BCKDHB: variants seen among roughly 807,000 people sequenced by gnomAD.
BCKDHB encodes 2-oxoisovalerate dehydrogenase subunit beta, mitochondrial.
Under a neutral mutation model 48.5 loss-of-function variants are expected in BCKDHB, and 41 were observed. The observed-to-expected ratio is 0.85, with a 90% CI of 0.66 to 1.10. The LOEUF is 1.10. BCKDHB is among the 50% of genes least tolerant of loss of function. The pLI is 0.00. For synonymous variants in BCKDHB, 201 were observed against 174.8 expected (o/e 1.15, Z -1.18); for missense variants, 496 against 494.2 (o/e 1.00, Z -0.03).
At chr6:80,372,011 T>C in the BCKDHB span, among the ~76,000 whole-genome samples, 2 of 152,146 alleles carry the variant, frequency 1.3e-5, no homozygotes, top group African/African-American at 2.4e-5. Flanking sequence ...TTCCTAGATG[T>C]GTGAAGACTG....
chr6:80,395,725 G>A, the BCKDHB span, among the ~76,000 whole-genome samples: 1 of 152,184 alleles, frequency 6.6e-6, no homozygotes. Context: ...TATCTCCTGG[G>A]CATATCAGAG....
chr6:80,447,244 T>G, the BCKDHB span, among the ~76,000 whole-genome samples: 1 of 152,144 alleles, frequency 6.6e-6, no homozygotes, highest in African/African-American at 2.4e-5. Context: ...TGCCTTATTA[T>G]ATACTGTTAC....
the BCKDHB span, among the ~76,000 whole-genome samples, chr6:80,353,395 T>A: frequency 6.6e-6 from 1 of 152,242 alleles, no homozygotes; most frequent in African/African-American, 2.4e-5. Flanking sequence ...TGCATAGATA[T>A]CCAGTAGTGT....
the BCKDHB span, among the ~76,000 whole-genome samples, chr6:80,370,429 G>A: frequency 6.6e-6 from 1 of 152,022 alleles, no homozygotes; most frequent in Admixed American, 6.6e-5. Context: ...AGGGTTTTGG[G>A]GAACAGGTGG....
In BCKDHB at chr6:80,344,070, A is replaced by G; in HGVS notation, c.*266A>G. On this transcript the variant is annotated 3_prime_UTR_variant, in exon 10 of 10. Transcript: ENST00000320393. ...GGCTAGACTGCAGTGGTGCAATCTC[A>G]GCTCACTGCAACCTCCCCCCTACCC... The G allele has an allele frequency of 8.9e-5, 40 of 450,764 alleles. No individual in the cohort carries two copies. The highest frequency in any genetic ancestry group is 1.3e-4 in the Non-Finnish European group (33 of 245,170). The allele number at this position is 450,764 out of a possible 1,614,324, so 27.9% of individuals were successfully genotyped here.
In BCKDHB at chr6:80,152,068, T is replaced by A. The variant is rs146313275; in HGVS notation, c.344-15610T>A. On this transcript the variant is annotated intron_variant, in intron 3 of 9. Transcript: ENST00000320393. Reference sequence around the variant, plus strand: ...GAAGCTGGTATCACAAGGATGATGATAATACTTCTTTTGATTTTCTGGAAA... The same window carrying A: ...GAAGCTGGTATCACAAGGATGATGAAAATACTTCTTTTGATTTTCTGGAAA... Among the ~76,000 whole-genome samples the A allele has an allele frequency of 1.7e-3, 264 of 152,314 alleles. 1 individual carries two copies. The highest frequency in any genetic ancestry group is 6.0e-3 in the African/African-American group (250 of 41,580).
intron 9 of BCKDHB, among the ~76,000 whole-genome samples, chr6:80,321,824 A>G (rs79799180): frequency 0.02 from 3,013 of 152,296 alleles, 90 homozygotes; most frequent in African/African-American, 0.069. Context: ...TCTACTTCCA[A>G]TTACATTTTG....
At chr6:80,357,188 G>A in the BCKDHB span, among the ~76,000 whole-genome samples, 1 of 152,114 alleles carries the variant, frequency 6.6e-6, no homozygotes, top group Non-Finnish European at 1.5e-5. Context: ...TGGGAAGGAA[G>A]GGTGAGGCAC....
chr6:80,415,967 C>A, the BCKDHB span, among the ~76,000 whole-genome samples: 2 of 151,856 alleles, frequency 1.3e-5, no homozygotes, highest in Non-Finnish European at 1.5e-5. Flanking sequence ...TTGATCTGTT[C>A]AGAAATTCAA....
chr6:80,352,796 T>A, the BCKDHB span, among the ~76,000 whole-genome samples: 1 of 152,220 alleles, frequency 6.6e-6, no homozygotes, highest in African/African-American at 2.4e-5. Context: ...AATAAGTGAA[T>A]GCAGACTCTC....
At chr6:80,327,765 G>T (rs188200804) in intron 9 of BCKDHB, among the ~76,000 whole-genome samples, 1 of 151,824 alleles carries the variant, frequency 6.6e-6, no homozygotes, top group Non-Finnish European at 1.5e-5. Flanking sequence ...TTGTGATCTC[G>T]CTACTATGAA....
At chr6:80,418,178 A>G in the BCKDHB span, among the ~76,000 whole-genome samples, 3 of 152,076 alleles carry the variant, frequency 2.0e-5, no homozygotes, top group African/African-American at 4.8e-5. Context: ...TTTCACCTCT[A>G]TCAGGTCGTT....
chr6:80,148,812 A>G (rs377214521), intron 3 of BCKDHB, among the ~76,000 whole-genome samples: 2 of 152,310 alleles, frequency 1.3e-5, no homozygotes, highest in East Asian at 3.9e-4. Flanking sequence ...TTATACAAAA[A>G]TTAATTCAAG....
In BCKDHB at chr6:80,127,402, T is replaced by C. The variant is rs1476962115; in HGVS notation, c.197-145T>C. 9.7e-6 allele frequency: 7 copies of C among 719,650 alleles called. 1 individual carries two copies. The highest frequency in any genetic ancestry group is 5.5e-5 in the East Asian group (2 of 36,174). The allele number at this position is 719,650 out of a possible 1,614,324, so 44.6% of individuals were successfully genotyped here. A position where few individuals can be genotyped will look rare whatever the true frequency, so the allele number is the denominator to read the frequency against. On this transcript the variant is annotated intron_variant, in intron 1 of 9. Coordinates refer to ENST00000320393, the MANE Select transcript of BCKDHB (RefSeq NM_183050.4). ...AGGTCTGTATTGCTTTTGTATCTTA[T>C]AGTATTATTGTAAATAATTCAGCAA...
chr6:80,257,112 T>C (rs1435757040), intron 8 of BCKDHB, among the ~76,000 whole-genome samples: 1 of 152,136 alleles, frequency 6.6e-6, no homozygotes, highest in Non-Finnish European at 1.5e-5. Context: ...AATAATAATG[T>C]TTAGCCTTTC....
the BCKDHB span, among the ~76,000 whole-genome samples, chr6:80,423,189 T>C: frequency 1.3e-5 from 2 of 152,158 alleles, no homozygotes; most frequent in Admixed American, 6.5e-5. Flanking sequence ...CCCTATGCTC[T>C]CTCTCTCTAT....
chr6:80,283,709 A>T (rs2127977585), intron 9 of BCKDHB, among the ~76,000 whole-genome samples: 1 of 152,240 alleles, frequency 6.6e-6, no homozygotes, highest in East Asian at 1.9e-4. Context: ...CCTTGAAAAT[A>T]TGGCTGTATC....
chr6:80,150,572 T>TG (rs34039855), intron 3 of BCKDHB, among the ~76,000 whole-genome samples: 2 of 136,462 alleles, frequency 1.5e-5, no homozygotes, highest in Admixed American at 7.0e-5. Flanking sequence ...TTTTTTTTTT[T>TG]GTGAGATGGA....
intron 9 of BCKDHB, among the ~76,000 whole-genome samples, chr6:80,326,371 A>G (rs1002400697): frequency 4.6e-5 from 7 of 151,954 alleles, no homozygotes; most frequent in Admixed American, 2.6e-4. Flanking sequence ...GGCATTTGAG[A>G]CCTTTATTGT....
Sources: gnomAD v4.1 joint callset for allele counts (sites outside exome capture counted in the v4.1 genomes callset) on GRCh38, gnomAD v4.1.1 for gene constraint, MANE v1.5 for transcripts, NCBI Gene and HGNC (gene_info 2026-07-23, HGNC 2026-07-21) for gene names.